Variants in RGPD2 observed in about 807,000 individuals in gnomAD.
RGPD2 encodes RANBP2-like and GRIP domain-containing protein 2.
A neutral mutation model predicts 36.0 loss-of-function variants in RGPD2; 2 were observed. The observed-to-expected ratio is 0.06, with a 90% confidence interval of 0.02 to 0.17. RGPD2 has a LOEUF of 0.17. Among genes scored for constraint, RGPD2 ranks in the 10% least tolerant of loss-of-function variants. RGPD2 has a pLI of 1.00. For missense variants in RGPD2, 40 were observed against 464.3 expected (o/e 0.09, Z 8.40); for synonymous variants, 19 against 163.8 (o/e 0.12, Z 6.75).
chr2:87,809,367 AC>A (rs1426821247), intron 6 of RGPD2, among the ~76,000 whole-genome samples: 65 of 149,770 alleles, frequency 4.3e-4, no homozygotes, highest in Non-Finnish European at 5.2e-4. Context: ...TACTAAAAAT[AC>A]AAAAATTAGC....
At chr2:87,961,529 C>A in the RGPD2 span, among the ~76,000 whole-genome samples, 1 of 151,738 alleles carries the variant, frequency 6.6e-6, no homozygotes, top group African/African-American at 2.4e-5. Context: ...GGCGAAAGCC[C>A]ATCTCTACTA....
chr2:87,894,527 C>T, the RGPD2 span, among the ~76,000 whole-genome samples: 1 of 151,772 alleles, frequency 6.6e-6, no homozygotes, highest in East Asian at 1.9e-4. Flanking sequence ...CTTGAAGATA[C>T]TGTGTTATCT....
At chr2:87,929,196 TC>T in the RGPD2 span, among the ~76,000 whole-genome samples, 1 of 151,996 alleles carries the variant, frequency 6.6e-6, no homozygotes, top group Non-Finnish European at 1.5e-5. Context: ...GTTTTACATT[TC>T]AGTCTTTAAT....
the RGPD2 span, among the ~76,000 whole-genome samples, chr2:87,978,900 A>AAG: frequency 5.5e-5 from 8 of 145,038 alleles, no homozygotes; most frequent in Non-Finnish European, 1.2e-4. Context: ...CGTAGGCAAA[A>AAG]AGTGACACCC....
chr2:87,866,871 T>A, the RGPD2 span, among the ~76,000 whole-genome samples: 2 of 152,238 alleles, frequency 1.3e-5, no homozygotes, highest in Non-Finnish European at 2.9e-5. Flanking sequence ...CCATAGAGTC[T>A]TTCCTCCCCG....
the RGPD2 span, among the ~76,000 whole-genome samples, chr2:87,861,656 T>C: frequency 6.6e-6 from 1 of 152,088 alleles, no homozygotes; most frequent in African/African-American, 2.4e-5. Flanking sequence ...ATTTATTATG[T>C]TGATAAATCT....
At chr2:87,834,433 A>G in the RGPD2 span, among the ~76,000 whole-genome samples, 1 of 152,120 alleles carries the variant, frequency 6.6e-6, no homozygotes, top group Non-Finnish European at 1.5e-5. Flanking sequence ...AGATTACATG[A>G]TCATAGATGT....
chr2:87,976,682 A>C, the RGPD2 span, among the ~76,000 whole-genome samples: 8 of 151,828 alleles, frequency 5.3e-5, no homozygotes, highest in Admixed American at 5.3e-4. Flanking sequence ...TAATGTGAGA[A>C]TCAAATGAAA....
the RGPD2 span, among the ~76,000 whole-genome samples, chr2:87,853,789 C>T: frequency 1.3e-5 from 2 of 151,866 alleles, no homozygotes; most frequent in African/African-American, 4.8e-5. Flanking sequence ...AATCCTTATG[C>T]TCTTTCTATT....
chr2:87,927,666 T>C, the RGPD2 span, among the ~76,000 whole-genome samples: 58 of 151,656 alleles, frequency 3.8e-4, no homozygotes, highest in Non-Finnish European at 6.8e-4. Context: ...TTACAGTTTA[T>C]AGTATCATGT....
At chr2:87,872,348 A>T in the RGPD2 span, among the ~76,000 whole-genome samples, 1 of 152,408 alleles carries the variant, frequency 6.6e-6, no homozygotes, top group East Asian at 1.9e-4. Context: ...AAAATCACAC[A>T]AAAGAAATGA....
At chr2:87,921,359 T>C in the RGPD2 span, among the ~76,000 whole-genome samples, 4 of 152,164 alleles carry the variant, frequency 2.6e-5, no homozygotes, top group South Asian at 4.1e-4. Context: ...AGATGAAGTG[T>C]GGTGGCTAGG....
chr2:87,912,149 T>C, the RGPD2 span, among the ~76,000 whole-genome samples: 1 of 148,388 alleles, frequency 6.7e-6, no homozygotes, highest in Non-Finnish European at 1.5e-5. Flanking sequence ...AAAGCACTGT[T>C]TTATAACTTT....
the RGPD2 span, among the ~76,000 whole-genome samples, chr2:87,915,403 T>A: frequency 7.0e-6 from 1 of 142,630 alleles, no homozygotes; most frequent in Non-Finnish European, 1.5e-5. Flanking sequence ...ATGTATATTA[T>A]ATATATTGTA....
chr2:87,921,090 T>A, the RGPD2 span, among the ~76,000 whole-genome samples: 1 of 147,640 alleles, frequency 6.8e-6, no homozygotes. Flanking sequence ...GACAAAAGAG[T>A]TTGGAAGTAA....
At chr2:87,911,323 A>G in the RGPD2 span, among the ~76,000 whole-genome samples, 2 of 146,144 alleles carry the variant, frequency 1.4e-5, no homozygotes, top group African/African-American at 5.0e-5. Context: ...TTCTCAAATG[A>G]AATCGATTGG....
intron 6 of RGPD2, among the ~76,000 whole-genome samples, chr2:87,809,074 G>A (rs1183422813): frequency 9.2e-6 from 1 of 109,084 alleles, no homozygotes; most frequent in Non-Finnish European, 2.0e-5. Flanking sequence ...GGGAGGCTGA[G>A]GCAGGCGGAT....
chr2:87,760,680 C>T (rs1399432981), intron 22 of RGPD2, among the ~76,000 whole-genome samples: 1 of 19,990 alleles, frequency 5.0e-5, no homozygotes, highest in African/African-American at 1.7e-4. Context: ...TGCAGTGGCA[C>T]GATCTCAGCT....
the RGPD2 span, among the ~76,000 whole-genome samples, chr2:87,856,875 C>A: frequency 1.3e-5 from 2 of 151,202 alleles, no homozygotes; most frequent in African/African-American, 4.9e-5. Flanking sequence ...TATTTTAAAC[C>A]CACACCAACC....
Sources: gnomAD v4.1 joint callset for allele counts (sites outside exome capture counted in the v4.1 genomes callset) on GRCh38, gnomAD v4.1.1 for gene constraint, MANE v1.5 for transcripts, NCBI Gene and HGNC (gene_info 2026-07-23, HGNC 2026-07-21) for gene names.